HMGB1: variants seen among roughly 807,000 people sequenced by gnomAD.
The protein encoded by HMGB1 is high mobility group box 1.
For synonymous variants in HMGB1, 81 were observed against 84.0 expected (o/e 0.96, Z 0.19); for missense variants, 79 against 253.5 (o/e 0.31, Z 4.67).
chr13:30,532,550 C>T (rs375648232), intron 1 of HMGB1, among the ~76,000 whole-genome samples: 2 of 151,848 alleles, frequency 1.3e-5, no homozygotes, highest in African/African-American at 4.8e-5. Flanking sequence ...ACTCTGTCGC[C>T]CAGGGTGGAG....
intron 1 of HMGB1, among the ~76,000 whole-genome samples, chr13:30,516,965 T>C (rs961823142): frequency 5.9e-5 from 9 of 152,204 alleles, no homozygotes; most frequent in African/African-American, 1.9e-4. Context: ...TTCTTGTGCT[T>C]TTAAATACAT....
At chr13:30,554,122 G>A in intron 1 of HMGB1, 2 of 1,261,956 alleles carry the variant, frequency 1.6e-6, no homozygotes, top group Non-Finnish European at 2.3e-6. Context: ...AAGATGTGAA[G>A]TCATATTACA....
At chr13:30,599,533 G>A (rs1019497752) in intron 1 of HMGB1, among the ~76,000 whole-genome samples, 3 of 152,150 alleles carry the variant, frequency 2.0e-5, no homozygotes, top group Non-Finnish European at 2.9e-5. Context: ...TGGACCAACA[G>A]AAATTTATTT....
intron 1 of HMGB1, among the ~76,000 whole-genome samples, chr13:30,517,437 C>T (rs1431791363): frequency 2.0e-5 from 3 of 152,252 alleles, no homozygotes; most frequent in Non-Finnish European, 4.4e-5. Context: ...CGGAGTCTCG[C>T]TCTGTCACCC....
rs11840530 is a variant in HMGB1 at position 30,457,042 on chromosome 13, G to T, written c.*4315C>A. ...GGAGCACCATACTGTGGAATGTCAC[G>T]TACATGACTGAATTATGTGACTAAA... On this transcript the variant is annotated 3_prime_UTR_variant, in exon 5 of 5. Transcript: ENST00000341423. 1 of 152,146 alleles carries T rather than the reference G, an allele frequency of 6.6e-6. No homozygotes were observed. The highest frequency in any genetic ancestry group is 2.4e-5 in the African/African-American group (1 of 41,428). 9.4% of individuals were successfully genotyped at this position (152,146 alleles called of 1,614,324 possible).
chr13:30,577,080 C>T (rs1870688908), intron 1 of HMGB1, among the ~76,000 whole-genome samples: 1 of 152,144 alleles, frequency 6.6e-6, no homozygotes, highest in Admixed American at 6.5e-5. Flanking sequence ...CAGGGGCTCA[C>T]ACCTGTAATC....
Position 30,458,646 on chromosome 13 carries a change from CAT to C in HMGB1, c.*2709_*2710del, listed in dbSNP as rs766175042. 8.5e-5 allele frequency: 13 copies of C among 152,144 alleles called. No individual in the cohort carries two copies. The highest frequency in any genetic ancestry group is 2.2e-4 in the African/African-American group (9 of 41,436). 9.4% of individuals were successfully genotyped at this position (152,144 alleles called of 1,614,324 possible). A position where few individuals can be genotyped will look rare whatever the true frequency, so the allele number is the denominator to read the frequency against. Reference sequence around the variant, plus strand: ...GCCCGGCCTCTCCTGTAGTTTTCAACATAGTTAAATCCTACAATGTCTGAGCA... The same window carrying C: ...GCCCGGCCTCTCCTGTAGTTTTCAACAGTTAAATCCTACAATGTCTGAGCA... On this transcript the variant is annotated 3_prime_UTR_variant, in exon 5 of 5. Coordinates refer to ENST00000341423, the MANE Select transcript of HMGB1 (RefSeq NM_002128.7).
chr13:30,492,576 A>G (rs73167325), intron 1 of HMGB1, among the ~76,000 whole-genome samples: 2,084 of 152,356 alleles, frequency 0.014, 23 homozygotes, highest in Non-Finnish European at 0.021. Context: ...AGATGCCACT[A>G]CACACCAATG....
rs9550570 is a variant in HMGB1 at position 30,522,446 on chromosome 13, C to T, written c.-14-58752G>A. 1.8e-4 allele frequency among the ~76,000 whole-genome samples: 28 copies of T among 152,120 alleles called. 1 individual carries two copies. The East Asian group carries it at 3.5e-3, about 19-fold the overall frequency. ...TTCTGAGACCATTGCCTTTTTACCC[C>T]TCCGGGCTGTTCCAACCCCAGGATA... On this transcript the variant is annotated intron_variant, in intron 1 of 4. Coordinates refer to the HMGB1 transcript ENST00000405805.
rs538353423 is a variant in HMGB1, at chr13:30,488,918, A to G, written c.-14-25224T>C. On this transcript the variant is annotated intron_variant, in intron 1 of 4. Transcript: ENST00000405805. Reference sequence around the variant, plus strand: ...GAAATGCATACACATACATATATACATATAATAATAATGACCTAAAAGGAG... The same window carrying G: ...GAAATGCATACACATACATATATACGTATAATAATAATGACCTAAAAGGAG... Among the ~76,000 whole-genome samples, 4 of 152,126 alleles carry G rather than the reference A, an allele frequency of 2.6e-5. No homozygotes were observed. In the South Asian group the frequency reaches 8.3e-4, roughly 31 times the overall value.
At chr13:30,595,101 A>G (rs1158840997) in intron 1 of HMGB1, among the ~76,000 whole-genome samples, 1 of 150,428 alleles carries the variant, frequency 6.6e-6, no homozygotes, top group Non-Finnish European at 1.5e-5. Context: ...AACTCTTCAA[A>G]GATTACCACC....
intron 1 of HMGB1, chr13:30,464,667 G>A: frequency 1.0e-6 from 1 of 982,010 alleles, no homozygotes; most frequent in Non-Finnish European, 1.2e-6. Flanking sequence ...CGGCCGCCGG[G>A]GCCGGCGCGC....
intron 1 of HMGB1, among the ~76,000 whole-genome samples, chr13:30,512,842 T>C (rs55957524): frequency 0.099 from 15,112 of 152,130 alleles, 1,117 homozygotes; most frequent in African/African-American, 0.19. Context: ...TCCTGCATCC[T>C]TCAATACTGA....
At chr13:30,514,805 C>G (rs1386628395) in intron 1 of HMGB1, among the ~76,000 whole-genome samples, 1 of 152,080 alleles carries the variant, frequency 6.6e-6, no homozygotes, top group Admixed American at 6.5e-5. Flanking sequence ...GCCTAACTAT[C>G]ATCTTTTAAC....
intron 1 of HMGB1, among the ~76,000 whole-genome samples, chr13:30,562,310 A>G (rs1593313853): frequency 6.6e-6 from 1 of 151,998 alleles, no homozygotes; most frequent in African/African-American, 2.4e-5. Context: ...AAAAAAAAAA[A>G]AAGATGTATT....
intron 1 of HMGB1, among the ~76,000 whole-genome samples, chr13:30,558,147 T>C (rs567599328): frequency 3.8e-4 from 58 of 152,332 alleles, no homozygotes; most frequent in African/African-American, 1.3e-3. Context: ...CTTCTTGTGT[T>C]TCCCTTGGAG....
At chr13:30,586,470 GTTTTTTTTGTTTTTTTT>G (rs1871152722) in intron 1 of HMGB1, among the ~76,000 whole-genome samples, 1 of 123,248 alleles carries the variant, frequency 8.1e-6, no homozygotes, top group East Asian at 2.5e-4. Flanking sequence ...GAAATCACTG[GTTTTTTTTGTTTTTTTT>G]TTTTTTTTTT....
chr13:30,528,159 TGTTTTCTACGTACA>T (rs1257765552), intron 1 of HMGB1, among the ~76,000 whole-genome samples: 1 of 152,240 alleles, frequency 6.6e-6, no homozygotes, highest in Non-Finnish European at 1.5e-5. Context: ...TCTCCTGGGC[TGTTTTCTACGTACA>T]GGTTTTGACT....
chr13:30,509,381 G>A (rs1247560955), intron 1 of HMGB1, among the ~76,000 whole-genome samples: 1 of 152,024 alleles, frequency 6.6e-6, no homozygotes, highest in Non-Finnish European at 1.5e-5. Flanking sequence ...TGGGACTACA[G>A]GTGTGTACCA....
Sources: gnomAD v4.1 joint callset for allele counts (sites outside exome capture counted in the v4.1 genomes callset) on GRCh38, gnomAD v4.1.1 for gene constraint, MANE v1.5 for transcripts, NCBI Gene and HGNC (gene_info 2026-07-23, HGNC 2026-07-21) for gene names.